Variants in RAB3B observed in about 807,000 individuals in gnomAD.
RAB3B encodes RAB3B, member RAS oncogene family.
Under a neutral mutation model 20.5 loss-of-function variants are expected in RAB3B, and 11 were observed. The ratio of observed to expected loss-of-function variants is 0.54; its 90% confidence interval spans 0.34 to 0.89. RAB3B has a LOEUF of 0.89. Ranked by LOEUF, RAB3B falls within the 40% of genes least tolerant of loss-of-function variation. The pLI is 0.02. For missense variants in RAB3B, 225 were observed against 280.9 expected (o/e 0.80, Z 1.42); for synonymous variants, 99 against 106.3 (o/e 0.93, Z 0.42).
chr1:51,909,259 A>T lies in RAB3B; in HGVS notation c.*10668T>A, dbSNP rs567827424. The T allele has an allele frequency of 6.8e-6, 1 of 147,776 alleles. No homozygotes were observed. The highest frequency in any genetic ancestry group is 1.9e-4 in the East Asian group (1 of 5,190). 9.2% of individuals were successfully genotyped at this position (147,776 alleles called of 1,614,324 possible). A position where few individuals can be genotyped will look rare whatever the true frequency, so the allele number is the denominator to read the frequency against. On this transcript the variant is annotated 3_prime_UTR_variant, in exon 5 of 5. Coordinates refer to ENST00000371655, the MANE Select transcript of RAB3B (RefSeq NM_002867.4). ...TTGGAAAGGGCTCTGAGAGGGGTGT[A>T]TTCGTTTCATTCTGAGACGAATACC...
intron 2 of RAB3B, among the ~76,000 whole-genome samples, chr1:51,944,068 A>G (rs1447073006): frequency 2.0e-5 from 3 of 152,224 alleles, no homozygotes; most frequent in Non-Finnish European, 4.4e-5. Context: ...TCAAAGCTTA[A>G]AGAACAGGCT....
At chr1:51,979,725 G>T (rs533539641) in intron 1 of RAB3B, among the ~76,000 whole-genome samples, 108 of 152,158 alleles carry the variant, frequency 7.1e-4, no homozygotes, top group African/African-American at 2.5e-3. Flanking sequence ...ATTATATTAT[G>T]CAAAAGTGTA....
chr1:51,973,747 C>A (rs77272464), intron 2 of RAB3B, among the ~76,000 whole-genome samples: 6,666 of 152,220 alleles, frequency 0.044, 205 homozygotes, highest in Middle Eastern at 0.068. Flanking sequence ...TCCACTTACC[C>A]AGGCACAAGA....
chr1:51,914,352 G>A lies in RAB3B; in HGVS notation c.*5575C>T, dbSNP rs1289177768. 1 of 152,216 alleles carries A rather than the reference G, an allele frequency of 6.6e-6. No homozygotes were observed. Among genetic ancestry groups the A allele is most frequent in the Admixed American group, 6.5e-5 (1 of 15,276 alleles). 9.4% of individuals were successfully genotyped at this position (152,216 alleles called of 1,614,324 possible). ...GCAGTAGACTCTTCCAAGAGCCCCT[G>A]AAACAGTTTCTCAAAGGTGATTCCG... On this transcript the variant is annotated 3_prime_UTR_variant, in exon 5 of 5. Transcript: ENST00000371655.
At chr1:51,988,758 T>A (rs528929396) in intron 1 of RAB3B, among the ~76,000 whole-genome samples, 1 of 152,330 alleles carries the variant, frequency 6.6e-6, no homozygotes, top group South Asian at 2.1e-4. Flanking sequence ...AGCTTCAAGC[T>A]TAGAGGGGAA....
At chr1:51,975,760 G>A (rs142161004) in intron 2 of RAB3B, among the ~76,000 whole-genome samples, 3,686 of 152,218 alleles carry the variant, frequency 0.024, 82 homozygotes, top group African/African-American at 0.066. Flanking sequence ...TTGGGAGGCC[G>A]AGGTGGGCGG....
intron 3 of RAB3B, among the ~76,000 whole-genome samples, chr1:51,934,895 C>A (rs1459963541): frequency 6.6e-6 from 1 of 151,652 alleles, no homozygotes; most frequent in Admixed American, 6.6e-5. Context: ...AAAAAGGACT[C>A]TCTTATATTA....
At chr1:51,962,367 A>C (rs1684795416) in intron 2 of RAB3B, among the ~76,000 whole-genome samples, 1 of 152,190 alleles carries the variant, frequency 6.6e-6, no homozygotes, top group Admixed American at 6.5e-5. Context: ...TGCCACAATT[A>C]TTGATGTGTG....
In RAB3B at chr1:51,933,309, T is replaced by G. The variant is rs765148300; in HGVS notation, c.472+9A>C. ...TGCACACATGCACATACATGTGTCATGTACATACCAAGCTGCTCTGCAAGG... is the reference window on the plus strand; with the variant it reads ...TGCACACATGCACATACATGTGTCAGGTACATACCAAGCTGCTCTGCAAGG... On this transcript the variant is annotated intron_variant, in intron 4 of 4. Transcript: ENST00000371655. 1 of 1,613,506 alleles carries G rather than the reference T, an allele frequency of 6.2e-7. No homozygotes were observed.
intron 4 of RAB3B, among the ~76,000 whole-genome samples, chr1:51,931,273 A>T (rs968038169): frequency 6.6e-6 from 1 of 151,906 alleles, no homozygotes; most frequent in Non-Finnish European, 1.5e-5. Context: ...TCTTCACTGG[A>T]CTGGTCCTAC....
intron 1 of RAB3B, among the ~76,000 whole-genome samples, chr1:51,981,498 CAA>C (rs886466306): frequency 1.3e-5 from 2 of 152,106 alleles, no homozygotes; most frequent in African/African-American, 4.8e-5. Flanking sequence ...CATATATAAG[CAA>C]AGAGACCTAT....
At chr1:51,951,265 T>C (rs1684637670) in intron 2 of RAB3B, among the ~76,000 whole-genome samples, 1 of 152,072 alleles carries the variant, frequency 6.6e-6, no homozygotes, top group Admixed American at 6.5e-5. Flanking sequence ...GTAATGAGCA[T>C]AGTACCCAAT....
chr1:51,950,867 G>A (rs946564864), intron 2 of RAB3B, among the ~76,000 whole-genome samples: 21 of 152,180 alleles, frequency 1.4e-4, no homozygotes, highest in Non-Finnish European at 1.5e-4. Context: ...TTGTTTTTCT[G>A]CAGCAGCTGA....
intron 3 of RAB3B, among the ~76,000 whole-genome samples, chr1:51,935,255 C>T (rs1480717370): frequency 6.6e-6 from 1 of 152,222 alleles, no homozygotes; most frequent in Non-Finnish European, 1.5e-5. Context: ...TAAAGTTGAT[C>T]TTACCACCAA....
chr1:51,943,496 A>C (rs2124265739), intron 2 of RAB3B, among the ~76,000 whole-genome samples: 1 of 152,378 alleles, frequency 6.6e-6, no homozygotes, highest in East Asian at 1.9e-4. Context: ...AAAAGCTAGA[A>C]ATAATTAAGC....
rs1557956841 is a variant in RAB3B at position 51,909,584 on chromosome 1, TG to T, written c.*10342del. 6.6e-6 allele frequency: 1 copy of T among 152,180 alleles called. No homozygotes were observed. The highest frequency in any genetic ancestry group is 1.5e-5 in the Non-Finnish European group (1 of 68,062). 9.4% of individuals were successfully genotyped at this position (152,180 alleles called of 1,614,324 possible). A position where few individuals can be genotyped will look rare whatever the true frequency, so the allele number is the denominator to read the frequency against. On this transcript the variant is annotated 3_prime_UTR_variant, in exon 5 of 5. Transcript: ENST00000371655. ...TTCCTCACTCCTGGAGGCTGATTTC[TG>T]GGGGAAGGAGGAAGTGCATGAGGTA...
chr1:51,980,892 A>G (rs1408353881), intron 1 of RAB3B: 15 of 578,986 alleles, frequency 2.6e-5, no homozygotes, highest in Non-Finnish European at 3.4e-5. Flanking sequence ...GTACTTTAAA[A>G]AAAAGCCATC....
chr1:51,960,571 G>A (rs1260265912), intron 2 of RAB3B, among the ~76,000 whole-genome samples: 1 of 152,124 alleles, frequency 6.6e-6, no homozygotes, highest in Non-Finnish European at 1.5e-5. Flanking sequence ...GCAGAAGGAA[G>A]GGATTATAAA....
intron 2 of RAB3B, among the ~76,000 whole-genome samples, chr1:51,938,574 T>A (rs1394051054): frequency 1.3e-5 from 2 of 152,158 alleles, no homozygotes; most frequent in Non-Finnish European, 2.9e-5. Flanking sequence ...GTTTTATAAC[T>A]ATATGTGCAC....
Sources: gnomAD v4.1 joint callset for allele counts (sites outside exome capture counted in the v4.1 genomes callset) on GRCh38, gnomAD v4.1.1 for gene constraint, MANE v1.5 for transcripts, NCBI Gene and HGNC (gene_info 2026-07-23, HGNC 2026-07-21) for gene names.